PCBP3: variants seen among roughly 807,000 people sequenced by gnomAD.
The protein encoded by PCBP3 is poly(rC)-binding protein 3.
Under a neutral mutation model 52.7 loss-of-function variants are expected in PCBP3, and 25 were observed. The observed-to-expected ratio is 0.47, with a 90% confidence interval of 0.35 to 0.66. The LOEUF (loss-of-function observed/expected upper bound fraction) is 0.66, where lower values mean the gene tolerates loss of function less well. Among genes scored for constraint, PCBP3 ranks in the 30% least tolerant of loss-of-function variants. The pLI is 0.01. For missense variants in PCBP3, 391 were observed against 490.3 expected (o/e 0.80, Z 1.91); for synonymous variants, 162 against 183.0 (o/e 0.89, Z 0.93).
intron 2 of PCBP3, among the ~76,000 whole-genome samples, chr21:45,734,877 T>G (rs1298208210): frequency 6.6e-6 from 1 of 152,256 alleles, no homozygotes; most frequent in Non-Finnish European, 1.5e-5. Context: ...TGGACATCAC[T>G]GGACAGAGGC....
intron 2 of PCBP3, among the ~76,000 whole-genome samples, chr21:45,722,873 C>T (rs1603327572): frequency 6.6e-6 from 1 of 151,624 alleles, no homozygotes; most frequent in African/African-American, 2.4e-5. Context: ...ATTAGCTGGG[C>T]GTGGTGGCGT....
Position 45,935,454 on chromosome 21 carries a change from C to T in PCBP3, c.909+149C>T, listed in dbSNP as rs763570524. 1.3e-4 allele frequency: 92 copies of T among 709,924 alleles called. No homozygotes were observed. The Admixed American group carries it at 1.8e-3, about 14-fold the overall frequency. The allele number at this position is 709,924 out of a possible 1,614,324, so 44.0% of individuals were successfully genotyped here. The stretch of plus-strand genomic sequence containing the variant: ...CACTGTTTGATCTGTGTCCTCCCTC[C>T]TTTCCTTTTTAAAGTGGGTTTAATG... On this transcript the variant is annotated intron_variant, in intron 16 of 17. Transcript: ENST00000681687.
At chr21:45,868,425 TTTTTTTTA>T (rs1483052262) in intron 5 of PCBP3, among the ~76,000 whole-genome samples, 1 of 117,752 alleles carries the variant, frequency 8.5e-6, no homozygotes, top group East Asian at 3.2e-4. Context: ...TTTTTTTTTT[TTTTTTTTA>T]AATAAAGGAT....
chr21:45,888,263 C>T (rs1032600939), intron 5 of PCBP3, among the ~76,000 whole-genome samples: 1 of 152,214 alleles, frequency 6.6e-6, no homozygotes, highest in African/African-American at 2.4e-5. Flanking sequence ...CCTTGCTTAC[C>T]TGTTTTTCTT....
chr21:45,834,772 C>G (rs916350308), intron 4 of PCBP3, among the ~76,000 whole-genome samples: 5 of 152,252 alleles, frequency 3.3e-5, no homozygotes, highest in Non-Finnish European at 7.3e-5. Flanking sequence ...AAGGACAAAG[C>G]AGACTTCGGA....
chr21:45,732,867 G>A (rs2085563169), intron 2 of PCBP3: 2 of 152,264 alleles, frequency 1.3e-5, no homozygotes, highest in South Asian at 4.1e-4. Context: ...GTGTTGTCCA[G>A]GCTGGTCTCA....
chr21:45,714,268 A>G (rs1204773551), intron 2 of PCBP3, among the ~76,000 whole-genome samples: 2 of 152,100 alleles, frequency 1.3e-5, no homozygotes, highest in Non-Finnish European at 2.9e-5. Context: ...TGACATTTCC[A>G]TTTGCAAGTC....
chr21:45,885,875 CA>C (rs1181373040), intron 5 of PCBP3, among the ~76,000 whole-genome samples: 2 of 152,264 alleles, frequency 1.3e-5, no homozygotes, highest in Non-Finnish European at 2.9e-5. Context: ...CTGGGGCTGA[CA>C]CTGTCTTTCA....
intron 14 of PCBP3, 28 bp downstream of exon 14, chr21:45,930,023 C>T (rs1355982881): frequency 2.0e-6 from 3 of 1,488,302 alleles, no homozygotes; most frequent in South Asian, 1.1e-5. Context: ...TTCTCACCTC[C>T]TTCTCTTCTC....
At chr21:45,831,502 G>C (rs973378672) in intron 4 of PCBP3, among the ~76,000 whole-genome samples, 1 of 152,084 alleles carries the variant, frequency 6.6e-6, no homozygotes, top group Non-Finnish European at 1.5e-5. Flanking sequence ...TAGATGGTGA[G>C]GTCTGTTGTT....
chr21:45,863,259 C>T (rs1380114678), intron 5 of PCBP3, among the ~76,000 whole-genome samples: 2 of 152,258 alleles, frequency 1.3e-5, no homozygotes, highest in South Asian at 2.1e-4. Context: ...CAGCCAAGCC[C>T]AGGTCAGCCC....
In PCBP3 at chr21:45,904,130, A is replaced by G. The variant is rs1198154799; in HGVS notation, c.339+3017A>G. On this transcript the variant is annotated intron_variant, in intron 9 of 17. Transcript: ENST00000681687. The surrounding 1 kb of genome is among the most constrained non-coding windows in gnomAD (Gnocchi z 4.8). Reference sequence around the variant, plus strand: ...GGAAGCAGCCGTAACCTACGCTATTACGTAGGTTATGTAGGGCTGTGCTGA... The same window carrying G: ...GGAAGCAGCCGTAACCTACGCTATTGCGTAGGTTATGTAGGGCTGTGCTGA... Among the ~76,000 whole-genome samples the G allele has an allele frequency of 2.6e-5, 4 of 152,118 alleles. No individual in the cohort carries two copies. The highest frequency in any genetic ancestry group is 4.4e-5 in the Non-Finnish European group (3 of 68,018).
intron 3 of PCBP3, among the ~76,000 whole-genome samples, chr21:45,740,905 G>A (rs762060806): frequency 9.2e-5 from 14 of 152,184 alleles, no homozygotes; most frequent in African/African-American, 1.9e-4. Flanking sequence ...GTAGAGATAC[G>A]GTTGACATAG....
Position 45,827,529 on chromosome 21 carries a change from C to A in PCBP3, c.-125-22432C>A, listed in dbSNP as rs1292825003. Among the ~76,000 whole-genome samples the A allele has an allele frequency of 6.8e-6, 1 of 146,386 alleles. No homozygotes were observed. The highest frequency in any genetic ancestry group is 1.5e-5 in the Non-Finnish European group (1 of 65,888). ...TCATAAAGATGCTTCAGTGAGCCGT[C>A]ACCAGCTCTACACAGTGAGGAAGTG... On this transcript the variant is annotated intron_variant, in intron 4 of 17. Transcript: ENST00000681687. This position sits in a 1 kb window ranked among gnomAD's most constrained non-coding sequence, Gnocchi z 4.3.
chr21:45,857,570 C>T (rs564901376), intron 5 of PCBP3, among the ~76,000 whole-genome samples: 1 of 152,212 alleles, frequency 6.6e-6, no homozygotes, highest in South Asian at 2.1e-4. Context: ...ACCTATAACC[C>T]CCCACCTTTG....
At chr21:45,703,804 G>A (rs2083278899) in intron 2 of PCBP3, among the ~76,000 whole-genome samples, 1 of 152,092 alleles carries the variant, frequency 6.6e-6, no homozygotes, top group Non-Finnish European at 1.5e-5. Context: ...ATCTCCTGGG[G>A]CTTGCTCATG....
chr21:45,714,107 G>A (rs1328400922), intron 2 of PCBP3, among the ~76,000 whole-genome samples: 1 of 152,048 alleles, frequency 6.6e-6, no homozygotes, highest in Non-Finnish European at 1.5e-5. Flanking sequence ...CTGTGTTTTC[G>A]TTCTCTTCAG....
chr21:45,893,577 G>GGGTATAGACAGGAA (rs1368982215), intron 5 of PCBP3, among the ~76,000 whole-genome samples: 1 of 144,968 alleles, frequency 6.9e-6, no homozygotes. Context: ...TGCAGACAGT[G>GGGTATAGACAGGAA]GGGAGGCAGG....
chr21:45,809,553 C>T (rs62214596), intron 4 of PCBP3, among the ~76,000 whole-genome samples: 28,769 of 152,134 alleles, frequency 0.19, 2,907 homozygotes, highest in Middle Eastern at 0.33. Context: ...GGAGCACAAT[C>T]GTGCTCGGCT....
Sources: allele counts gnomAD v4.1 joint callset (sites outside exome capture counted in the v4.1 genomes callset), GRCh38; gene constraint gnomAD v4.1.1; non-coding constraint Gnocchi (gnomAD v3.1); transcripts MANE v1.5; gene names NCBI Gene and HGNC (gene_info 2026-07-23, HGNC 2026-07-21).